Variants in SLTM observed in about 807,000 individuals in gnomAD.
SLTM encodes SAFB-like transcription modulator.
Under a neutral mutation model 134.6 loss-of-function variants are expected in SLTM, and 43 were observed. That is an observed-to-expected ratio of 0.32 (90% CI 0.25 to 0.41). The LOEUF (loss-of-function observed/expected upper bound fraction) is 0.41. Ranked by LOEUF, SLTM falls within the 10% of genes least tolerant of loss-of-function variation. SLTM has a pLI of 1.00. For missense variants in SLTM, 1,055 were observed against 1,288.8 expected, an observed-to-expected ratio of 0.82 and a Z score of 2.78; for synonymous variants, 424 against 432.3, an observed-to-expected ratio of 0.98 and a Z score of 0.24.
chr15:58,923,655 C>T (rs1475107305), intron 2 of SLTM, among the ~76,000 whole-genome samples: 1 of 152,170 alleles, frequency 6.6e-6, no homozygotes, highest in Non-Finnish European at 1.5e-5. Context: ...TAAACCTTTG[C>T]TATTAAAGCT....
At chr15:58,903,549 A>AG (rs1171675363) in intron 5 of SLTM, among the ~76,000 whole-genome samples, 1 of 82,664 alleles carries the variant, frequency 1.2e-5, no homozygotes, top group African/African-American at 4.7e-5. Context: ...TCTGACGGGG[A>AG]GGGGGGAGGG....
chr15:58,908,764 G>A (rs1191942952), intron 5 of SLTM, among the ~76,000 whole-genome samples: 6 of 151,992 alleles, frequency 3.9e-5, no homozygotes, highest in South Asian at 2.1e-4. Flanking sequence ...CACACAGAAC[G>A]GAAAGAACTT....
At chr15:58,917,788 C>A (rs1221110994) in intron 2 of SLTM, among the ~76,000 whole-genome samples, 1 of 152,078 alleles carries the variant, frequency 6.6e-6, no homozygotes, top group Non-Finnish European at 1.5e-5. Context: ...CGCACTCTGT[C>A]GCCCAGGCTG....
At chr15:58,886,427 C>T (rs1189419801) in intron 19 of SLTM, among the ~76,000 whole-genome samples, 3 of 151,868 alleles carry the variant, frequency 2.0e-5, no homozygotes, top group Non-Finnish European at 2.9e-5. Flanking sequence ...CCACCACGCC[C>T]GGCTAATTTT....
rs147493291 is a variant in SLTM at position 58,903,026 on chromosome 15, C to G, written c.562-1739G>C. Among the ~76,000 whole-genome samples, 395 of 152,244 alleles carry G rather than the reference C, an allele frequency of 2.6e-3. 3 individuals carry two copies. The highest frequency in any genetic ancestry group is 9.0e-3 in the African/African-American group (373 of 41,560). On this transcript the variant is annotated intron_variant, in intron 5 of 20. Coordinates refer to ENST00000380516, the MANE Select transcript of SLTM (RefSeq NM_024755.4). ...AAGCGATTCTCCTGCTTCAGCCTCC[C>G]AAGTAGCTGGGACTACAGGCGTGTG...
At chr15:58,925,776 C>T (rs1239604820) in intron 2 of SLTM, among the ~76,000 whole-genome samples, 1 of 152,184 alleles carries the variant, frequency 6.6e-6, no homozygotes. Flanking sequence ...CCGGCACACT[C>T]CTTCAGGCAG....
intron 2 of SLTM, among the ~76,000 whole-genome samples, chr15:58,923,433 T>A (rs2037235979): frequency 6.6e-6 from 1 of 152,172 alleles, no homozygotes; most frequent in Non-Finnish European, 1.5e-5. Flanking sequence ...TTGGCCCAAC[T>A]GGGAGAAAGG....
Position 58,899,353 on chromosome 15 carries a change from C to A in SLTM, c.1058+116G>T. ...TTATGACGGTCAAAAATATTATAGGCAGGATCATAAGACACTAATTACTGT... is the reference window on the plus strand; with the variant it reads ...TTATGACGGTCAAAAATATTATAGGAAGGATCATAAGACACTAATTACTGT... On this transcript the variant is annotated intron_variant, in intron 7 of 20. Coordinates refer to ENST00000380516, the MANE Select transcript of SLTM (RefSeq NM_024755.4). The surrounding 1 kb of genome is among the most constrained non-coding windows in gnomAD (Gnocchi z 5.0). 3.7e-6 allele frequency: 3 copies of A among 807,750 alleles called. No individual in the cohort carries two copies. The highest frequency in any genetic ancestry group is 5.9e-6 in the Non-Finnish European group (3 of 505,992). The allele number at this position is 807,750 out of a possible 1,614,324, so 50.0% of individuals were successfully genotyped here. A position where few individuals can be genotyped will look rare whatever the true frequency, so the allele number is the denominator to read the frequency against.
Position 58,887,528 on chromosome 15 carries a change from A to G in SLTM, c.2388T>C (p.Phe796=). 6.2e-7 allele frequency: 1 copy of G among 1,611,320 alleles called. No homozygotes were observed. The highest frequency in any genetic ancestry group is 8.5e-7 in the Non-Finnish European group (1 of 1,178,784). Residue 796 remains phenylalanine (F), a synonymous_variant, in exon 18 of 21, where the codon TTT becomes TTC. Coordinates refer to ENST00000380516, the MANE Select transcript of SLTM (RefSeq NM_024755.4). ...CTTTTTTCCCCTCACTTTGACCAACAAAGCGATCCCGCCTATTGATTAGAA... is the reference window on the plus strand; with the variant it reads ...CTTTTTTCCCCTCACTTTGACCAACGAAGCGATCCCGCCTATTGATTAGAA... ...QSSSFERRDR[F]VGQSEGKKAR...
At chr15:58,888,286 T>G (rs1174969479) in intron 17 of SLTM, 99 bp downstream of exon 17, 2 of 1,005,372 alleles carry the variant, frequency 2.0e-6, no homozygotes, top group East Asian at 5.1e-5. Context: ...TTCTGAGCAT[T>G]CAGTTCTGAC....
In SLTM at chr15:58,892,884, A is replaced by G. The variant is rs1567114137; in HGVS notation, c.1898+13T>C. The G allele has an allele frequency of 6.2e-7, 1 of 1,609,262 alleles. No homozygotes were observed. Among genetic ancestry groups the G allele is most frequent in the Non-Finnish European group, 8.5e-7 (1 of 1,178,474 alleles). ...ATATTTAAAGACAGGTATAAAACAG[A>G]CTCTCTTCCTACCTTCGAAGTTCCA... On this transcript the variant is annotated intron_variant, in intron 14 of 20. Coordinates refer to ENST00000380516, the MANE Select transcript of SLTM (RefSeq NM_024755.4).
chr15:58,885,850 C>T (rs1376744195), intron 19 of SLTM, among the ~76,000 whole-genome samples: 2 of 151,512 alleles, frequency 1.3e-5, no homozygotes, highest in Non-Finnish European at 2.9e-5. Context: ...TATTAAAATA[C>T]AAAACAAACA....
chr15:58,913,743 G>T lies in SLTM; in HGVS notation c.316-47C>A, dbSNP rs1410562782. On this transcript the variant is annotated intron_variant, in intron 3 of 20. Coordinates refer to ENST00000380516, the MANE Select transcript of SLTM (RefSeq NM_024755.4). ...GGTACAACTAGAGGCAAAGTAGTGT[G>T]GGCTATCCACCAAACGTTTTTGGTA... The T allele has an allele frequency of 3.4e-6, 5 of 1,487,092 alleles. No individual in the cohort carries two copies. The African/African-American group carries it at 5.6e-5, about 17-fold the overall frequency. The allele number at this position is 1,487,092 out of a possible 1,614,324, so 92.1% of individuals were successfully genotyped here.
At chr15:58,913,776 C>T in intron 3 of SLTM, 80 bp from the exon 4 acceptor site, 1 of 984,724 alleles carries the variant, frequency 1.0e-6, no homozygotes, top group Non-Finnish European at 1.6e-6. Flanking sequence ...GTAATTTACA[C>T]CTTTAAATGT....
At position 58,901,242 on chromosome 15, in the gene SLTM, C is replaced by T; in HGVS notation, c.589+18G>A. The T allele has an allele frequency of 6.3e-7, 1 of 1,595,240 alleles. No homozygotes were observed. Among genetic ancestry groups the T allele is most frequent in the African/African-American group, 1.3e-5 (1 of 74,392 alleles). ...TTTCTAAATTTTAGCAATTTTTAAG[C>T]TCTAGCATCAAACATACCTTTCTCA... On this transcript the variant is annotated intron_variant, in intron 6 of 20. Transcript: ENST00000380516.
chr15:58,894,682 G>A lies in SLTM; in HGVS notation c.1228-100C>T. On this transcript the variant is annotated intron_variant, in intron 9 of 20. Coordinates refer to ENST00000380516, the MANE Select transcript of SLTM (RefSeq NM_024755.4). Reference sequence around the variant, plus strand: ...ACAACTGAAACTATATATTAATTCAGGGTGTATCTTATTCTGTCTCATGTT... The same window carrying A: ...ACAACTGAAACTATATATTAATTCAAGGTGTATCTTATTCTGTCTCATGTT... 3.5e-6 allele frequency: 4 copies of A among 1,159,262 alleles called. No homozygotes were observed. In the Admixed American group the frequency reaches 6.2e-5, roughly 18 times the overall value. The allele number at this position is 1,159,262 out of a possible 1,614,324, so 71.8% of individuals were successfully genotyped here. A position where few individuals can be genotyped will look rare whatever the true frequency, so the allele number is the denominator to read the frequency against.
At position 58,880,062 on chromosome 15, in the gene SLTM, G is replaced by A; in HGVS notation, c.3042C>T (p.Ser1014=). The change falls in exon 21 of 21, where the codon TCC becomes TCT. Residue 1014 remains serine (S), a synonymous_variant. Transcript: ENST00000380516. Reference sequence around the variant, plus strand: ...ATCCGGAGCCACTTCCTCTTGGCATGGAATTGCCACTGATTTGTACAATTC... The same window carrying A: ...ATCCGGAGCCACTTCCTCTTGGCATAGAATTGCCACTGATTTGTACAATTC... ...INRIVQISGN[S]MPRGSGSGFK... 6.2e-7 allele frequency: 1 copy of A among 1,614,048 alleles called. No homozygotes were observed. Among genetic ancestry groups the A allele is most frequent in the Non-Finnish European group, 8.5e-7 (1 of 1,180,006 alleles).
intron 5 of SLTM, among the ~76,000 whole-genome samples, chr15:58,909,442 T>A (rs1242172430): frequency 6.6e-6 from 1 of 152,186 alleles, no homozygotes; most frequent in Admixed American, 6.6e-5. Context: ...GAATCAAACA[T>A]ATATCCTGGC....
intron 14 of SLTM, among the ~76,000 whole-genome samples, chr15:58,891,235 T>C (rs1176677806): frequency 6.6e-6 from 1 of 152,202 alleles, no homozygotes; most frequent in African/African-American, 2.4e-5. Flanking sequence ...TAGTGTTTAG[T>C]GTATGAGGAT....
Sources: allele counts gnomAD v4.1 joint callset (sites outside exome capture counted in the v4.1 genomes callset), GRCh38; gene constraint gnomAD v4.1.1; non-coding constraint Gnocchi (gnomAD v3.1); transcripts MANE v1.5; gene names NCBI Gene and HGNC (gene_info 2026-07-23, HGNC 2026-07-21).